The following NBEA variants were observed in gnomAD, a reference collection of about 807,000 sequenced individuals.
The protein encoded by NBEA is lysosomal-trafficking regulator 2.
In NBEA, 44 loss-of-function variants were observed where a neutral mutation model predicts 343.4. The observed-to-expected ratio is 0.13, with a 90% CI of 0.10 to 0.16. The LOEUF (loss-of-function observed/expected upper bound fraction) is 0.16. Ranked by LOEUF, NBEA falls within the 10% of genes least tolerant of loss-of-function variation. The probability of loss-of-function intolerance (pLI) is 1.00; values close to 1 mark genes in which losing one functional copy is unlikely to be tolerated. For synonymous variants in NBEA, 1,175 were observed against 1,238.7 expected, an observed-to-expected ratio of 0.95 and a Z score of 1.08; for missense variants, 2,555 against 3,631.3, an observed-to-expected ratio of 0.70 and a Z score of 7.62.
intron 1 of NBEA, among the ~76,000 whole-genome samples, chr13:34,969,213 G>C (rs940148559): frequency 1.3e-5 from 2 of 151,952 alleles, no homozygotes; most frequent in African/African-American, 2.4e-5. Context: ...CCTGTGACTA[G>C]GCAGGTTCCA....
In NBEA at chr13:35,225,605, A is replaced by G. The variant is rs939904931; in HGVS notation, c.5649-6887A>G. On this transcript the variant is annotated intron_variant, in intron 33 of 58. Transcript: ENST00000379939. The stretch of plus-strand genomic sequence containing the variant: ...AATGGAAGAGGCTGGGCATCGTTGC[A>G]AACGCCCCTTGTGTCTATAGCTCTG... Among the ~76,000 whole-genome samples, 10 of 152,298 alleles carry G rather than the reference A, an allele frequency of 6.6e-5. No individual in the cohort carries two copies. The East Asian group carries it at 1.9e-3, about 29-fold the overall frequency.
intron 34 of NBEA, among the ~76,000 whole-genome samples, chr13:35,268,756 A>G (rs1204295906): frequency 6.6e-6 from 1 of 152,086 alleles, no homozygotes; most frequent in East Asian, 1.9e-4. Context: ...AAAAAGGTCC[A>G]TTTTAATGTA....
intron 35 of NBEA, among the ~76,000 whole-genome samples, chr13:35,297,541 A>C (rs1267199920): frequency 1.3e-5 from 2 of 151,992 alleles, no homozygotes; most frequent in African/African-American, 4.8e-5. Context: ...AAAATCATAC[A>C]TTGTTTATTT....
chr13:35,623,095 T>C (rs1366774361), intron 48 of NBEA, among the ~76,000 whole-genome samples: 1 of 152,200 alleles, frequency 6.6e-6, no homozygotes, highest in African/African-American at 2.4e-5. Context: ...TTAACGCAAT[T>C]GCTTCTGCCT....
In NBEA at chr13:35,067,657, T is replaced by C. The variant is rs552636448; in HGVS notation, c.1240-2251T>C. 2.4e-4 allele frequency among the ~76,000 whole-genome samples: 37 copies of C among 152,242 alleles called. 1 individual carries two copies. The South Asian group carries it at 7.3e-3, about 30-fold the overall frequency. Reference sequence around the variant, plus strand: ...CAGATTTATATAATAATTCTTCCTCTGAAAATCCTTCTGAAAGAAATAATA... The same window carrying C: ...CAGATTTATATAATAATTCTTCCTCCGAAAATCCTTCTGAAAGAAATAATA... On this transcript the variant is annotated intron_variant, in intron 8 of 58. Transcript: ENST00000379939.
intron 1 of NBEA, among the ~76,000 whole-genome samples, chr13:35,016,589 TACACAC>T (rs66655195): frequency 0.17 from 24,628 of 147,552 alleles, 2,203 homozygotes; most frequent in African/African-American, 0.24. Flanking sequence ...TGTATGTGTA[TACACAC>T]ACACACACAC....
At chr13:35,626,057 A>C (rs1210857208) in intron 48 of NBEA, among the ~76,000 whole-genome samples, 2 of 152,152 alleles carry the variant, frequency 1.3e-5, no homozygotes, top group Non-Finnish European at 2.9e-5. Context: ...GTTTGTTACC[A>C]GGGGAGTTTT....
At chr13:35,275,660 A>C (rs1284865014) in intron 34 of NBEA, among the ~76,000 whole-genome samples, 1 of 151,772 alleles carries the variant, frequency 6.6e-6, no homozygotes, top group Non-Finnish European at 1.5e-5. Context: ...ATTTACAAGA[A>C]AAAAACAAAC....
intron 1 of NBEA, among the ~76,000 whole-genome samples, chr13:34,981,953 T>TTC (rs144982548): frequency 3.0e-4 from 45 of 149,310 alleles, no homozygotes; most frequent in East Asian, 7.8e-4. Context: ...ATGTTCTCTC[T>TTC]TCTCTCTCTC....
intron 49 of NBEA, among the ~76,000 whole-genome samples, chr13:35,632,546 T>A (rs2083498020): frequency 6.6e-6 from 1 of 152,100 alleles, no homozygotes; most frequent in Non-Finnish European, 1.5e-5. Context: ...AACCTCCATG[T>A]ACCTATCACC....
At chr13:35,024,410 GCCTGTAATCT>G (rs1256945680) in intron 1 of NBEA, among the ~76,000 whole-genome samples, 1 of 152,112 alleles carries the variant, frequency 6.6e-6, no homozygotes, top group African/African-American at 2.4e-5. Flanking sequence ...GGTGGCTCAT[GCCTGTAATCT>G]CAGCACCTTG....
At chr13:35,137,511 T>C (rs2067810036) in intron 17 of NBEA, among the ~76,000 whole-genome samples, 2 of 152,130 alleles carry the variant, frequency 1.3e-5, no homozygotes, top group Non-Finnish European at 2.9e-5. Context: ...AAAATTTTTT[T>C]ATTGTTTCAT....
At chr13:35,005,014 T>C (rs1355679191) in intron 1 of NBEA, among the ~76,000 whole-genome samples, 4 of 152,180 alleles carry the variant, frequency 2.6e-5, no homozygotes, top group Non-Finnish European at 5.9e-5. Context: ...TTATATATTA[T>C]AATGCATTAA....
At chr13:35,008,340 A>G (rs2061378956) in intron 1 of NBEA, among the ~76,000 whole-genome samples, 1 of 152,222 alleles carries the variant, frequency 6.6e-6, no homozygotes, top group Non-Finnish European at 1.5e-5. Context: ...TCCCTTAAGG[A>G]AAATGGCTTA....
At chr13:35,510,623 G>A (rs2077241335) in intron 41 of NBEA, among the ~76,000 whole-genome samples, 1 of 151,960 alleles carries the variant, frequency 6.6e-6, no homozygotes, top group Non-Finnish European at 1.5e-5. Context: ...AACTTGCAAA[G>A]GAATAAAAAA....
At chr13:35,059,664 A>G (rs2063394626) in intron 8 of NBEA, among the ~76,000 whole-genome samples, 1 of 151,628 alleles carries the variant, frequency 6.6e-6, no homozygotes, top group South Asian at 2.1e-4. Context: ...AGATTGTGTA[A>G]TGGAAAGGAG....
At chr13:35,287,052 C>T (rs1457659792) in intron 34 of NBEA, among the ~76,000 whole-genome samples, 1 of 151,996 alleles carries the variant, frequency 6.6e-6, no homozygotes, top group Admixed American at 6.6e-5. Context: ...TATTCAAAAG[C>T]ACTTAATGGA....
chr13:35,576,037 G>A (rs184712897), intron 45 of NBEA, among the ~76,000 whole-genome samples: 7 of 151,748 alleles, frequency 4.6e-5, no homozygotes, highest in South Asian at 2.1e-4. Flanking sequence ...CATTTAACTC[G>A]CTGTAACTAG....
At chr13:35,405,742 T>TA (rs2043236374) in intron 38 of NBEA, among the ~76,000 whole-genome samples, 2 of 152,166 alleles carry the variant, frequency 1.3e-5, no homozygotes, top group Admixed American at 1.3e-4. Flanking sequence ...GTTGAAGTCT[T>TA]ATGGGGAAGA....
Sources: allele counts gnomAD v4.1 joint callset (sites outside exome capture counted in the v4.1 genomes callset), GRCh38; gene constraint gnomAD v4.1.1; transcripts MANE v1.5; gene names NCBI Gene and HGNC (gene_info 2026-07-23, HGNC 2026-07-21).